The following LPP variants were observed in gnomAD, a reference collection of about 807,000 sequenced individuals.
The protein encoded by LPP is lipoma-preferred partner.
Under a neutral mutation model 60.4 loss-of-function variants are expected in LPP, and 38 were observed. The ratio of observed to expected loss-of-function variants is 0.63; its 90% confidence interval spans 0.49 to 0.83. LPP has a LOEUF of 0.83. LPP is among the 40% of genes least tolerant of loss of function. The pLI, the probability that LPP is intolerant of heterozygous loss-of-function variation, is 0.00. For synonymous variants in LPP, 328 were observed against 290.8 expected, an observed-to-expected ratio of 1.13 and a Z score of -1.30; for missense variants, 902 against 783.6, an observed-to-expected ratio of 1.15 and a Z score of -1.80.
chr3:188,730,014 A>C (rs1477321964), intron 8 of LPP, among the ~76,000 whole-genome samples: 4 of 152,184 alleles, frequency 2.6e-5, no homozygotes, highest in Admixed American at 1.3e-4. Flanking sequence ...TATTATGTGA[A>C]TAATCCACCA....
chr3:188,257,872 G>A (rs1732190214), intron 2 of LPP, among the ~76,000 whole-genome samples: 1 of 152,214 alleles, frequency 6.6e-6, no homozygotes, highest in South Asian at 2.1e-4. Flanking sequence ...GCAGAGCCAG[G>A]ATTCAAATGT....
intron 2 of LPP, among the ~76,000 whole-genome samples, chr3:188,263,499 G>A (rs1402480781): frequency 6.6e-6 from 1 of 152,144 alleles, no homozygotes; most frequent in Non-Finnish European, 1.5e-5. Flanking sequence ...ACATTGATAG[G>A]CTGTGGAGAT....
chr3:188,747,365 C>T (rs936136017), intron 8 of LPP, among the ~76,000 whole-genome samples: 1 of 152,158 alleles, frequency 6.6e-6, no homozygotes, highest in Non-Finnish European at 1.5e-5. Flanking sequence ...AACTTTTCTA[C>T]TTTAAAACCC....
At chr3:188,829,618 C>A (rs1372076688) in intron 9 of LPP, among the ~76,000 whole-genome samples, 1 of 152,140 alleles carries the variant, frequency 6.6e-6, no homozygotes, top group Non-Finnish European at 1.5e-5. Flanking sequence ...ATCAGAAGCT[C>A]AGAGAGGGGG....
intron 9 of LPP, among the ~76,000 whole-genome samples, chr3:188,857,989 T>C (rs1005933780): frequency 6.6e-6 from 1 of 152,202 alleles, no homozygotes; most frequent in East Asian, 1.9e-4. Flanking sequence ...TTTGATAATA[T>C]GTGAACTCAT....
chr3:188,325,925 T>A (rs189747781), intron 2 of LPP, among the ~76,000 whole-genome samples: 1 of 152,272 alleles, frequency 6.6e-6, no homozygotes, highest in Admixed American at 6.5e-5. Flanking sequence ...TGGGAATAGA[T>A]CTACATGACA....
chr3:188,811,873 A>G (rs1457031974), intron 9 of LPP, among the ~76,000 whole-genome samples: 1 of 152,168 alleles, frequency 6.6e-6, no homozygotes, highest in Non-Finnish European at 1.5e-5. Flanking sequence ...GTAGATGTAT[A>G]TATTTATGGG....
chr3:188,746,823 A>G (rs75762792), intron 8 of LPP, among the ~76,000 whole-genome samples: 1,917 of 152,300 alleles, frequency 0.013, 44 homozygotes, highest in African/African-American at 0.044. Context: ...CTACTGGCAT[A>G]AATAAAACAT....
chr3:188,454,642 A>G (rs868454739), intron 4 of LPP, among the ~76,000 whole-genome samples: 1 of 152,150 alleles, frequency 6.6e-6, no homozygotes, highest in African/African-American at 2.4e-5. Flanking sequence ...ACAATTCCAC[A>G]TGGCTGGGGG....
rs906531583 is a variant in LPP at position 188,888,197 on chromosome 3, T to C, written c.*13718T>C. 1.1e-4 allele frequency: 23 copies of C among 218,912 alleles called. No homozygotes were observed. The highest frequency in any genetic ancestry group is 1.8e-4 in the Non-Finnish European group (20 of 108,928). The allele number at this position is 218,912 out of a possible 1,614,324, so 13.6% of individuals were successfully genotyped here. A position where few individuals can be genotyped will look rare whatever the true frequency, so the allele number is the denominator to read the frequency against. ...TCATTACTCTAACAGATTTAGGGCT[T>C]CTCTTTCTCTACAGCTAAGTAAGGG... On this transcript the variant is annotated 3_prime_UTR_variant, in exon 12 of 12. Transcript: ENST00000617246.
At chr3:188,739,765 G>A (rs1206088225) in intron 8 of LPP, among the ~76,000 whole-genome samples, 1 of 152,026 alleles carries the variant, frequency 6.6e-6, no homozygotes, top group Non-Finnish European at 1.5e-5. Context: ...ATTGTCTGTA[G>A]TTGCAGTCTT....
intron 2 of LPP, among the ~76,000 whole-genome samples, chr3:188,248,497 T>TACAC (rs1553833685): frequency 1.4e-5 from 2 of 140,728 alleles, no homozygotes; most frequent in Non-Finnish European, 3.1e-5. Context: ...TATATATATA[T>TACAC]ACAGTCAGCA....
chr3:188,455,299 T>A (rs1040708757), intron 4 of LPP, among the ~76,000 whole-genome samples: 1 of 152,092 alleles, frequency 6.6e-6, no homozygotes, highest in Non-Finnish European at 1.5e-5. Flanking sequence ...AAAGAGAAGG[T>A]ACTGACCAGA....
At chr3:188,754,012 T>A (rs1729244931) in intron 8 of LPP, among the ~76,000 whole-genome samples, 1 of 152,344 alleles carries the variant, frequency 6.6e-6, no homozygotes. Flanking sequence ...GGAGATTGCA[T>A]ATTGCTACAT....
At chr3:188,676,606 T>TA in intron 7 of LPP, among the ~76,000 whole-genome samples, 1 of 152,136 alleles carries the variant, frequency 6.6e-6, no homozygotes, top group Non-Finnish European at 1.5e-5. Context: ...GGGTAAAGGG[T>TA]AAAATCTCCA....
chr3:188,770,362 T>G (rs77799346), intron 9 of LPP, among the ~76,000 whole-genome samples: 43,813 of 144,988 alleles, frequency 0.3, 7,233 homozygotes, highest in Middle Eastern at 0.36. Flanking sequence ...TTTTTTTTTT[T>G]TTTGTATTTT....
intron 9 of LPP, among the ~76,000 whole-genome samples, chr3:188,777,395 A>G (rs1490883009): frequency 6.6e-6 from 1 of 152,250 alleles, no homozygotes; most frequent in East Asian, 1.9e-4. Flanking sequence ...CTGTATTTCA[A>G]ATATTGTAGT....
In LPP at chr3:188,881,770, A is replaced by T; in HGVS notation, c.*7291A>T. The T allele has an allele frequency of 4.5e-6, 1 of 223,102 alleles. No homozygotes were observed. The allele number at this position is 223,102 out of a possible 1,614,324, so 13.8% of individuals were successfully genotyped here. A position where few individuals can be genotyped will look rare whatever the true frequency, so the allele number is the denominator to read the frequency against. On this transcript the variant is annotated 3_prime_UTR_variant, in exon 12 of 12. Coordinates refer to ENST00000617246, the MANE Select transcript of LPP (RefSeq NM_001375462.1). ...TTCCTTTTATCCTTGTCTTCTTCAGAATAAGACATTTTTCCTCCATATTTT... is the reference window on the plus strand; with the variant it reads ...TTCCTTTTATCCTTGTCTTCTTCAGTATAAGACATTTTTCCTCCATATTTT...
chr3:188,516,096 G>T (rs1817285279), intron 5 of LPP, among the ~76,000 whole-genome samples: 1 of 152,146 alleles, frequency 6.6e-6, no homozygotes, highest in Admixed American at 6.5e-5. Context: ...TAGACAAAGA[G>T]GAGTCAGTTA....
Sources: allele counts gnomAD v4.1 joint callset (sites outside exome capture counted in the v4.1 genomes callset), GRCh38; gene constraint gnomAD v4.1.1; transcripts MANE v1.5; gene names NCBI Gene and HGNC (gene_info 2026-07-23, HGNC 2026-07-21).